Variants in ARIH1 observed in about 807,000 individuals in gnomAD.
The protein encoded by ARIH1 is E3 ubiquitin-protein ligase ARIH1.
Under a neutral mutation model 85.0 loss-of-function variants are expected in ARIH1, and 8 were observed. The ratio of observed to expected loss-of-function variants is 0.09; its 90% CI spans 0.06 to 0.17. ARIH1 has a LOEUF of 0.17. Among genes scored for constraint, ARIH1 ranks in the 10% least tolerant of loss-of-function variants. The pLI is 1.00. For missense variants in ARIH1, 311 were observed against 718.1 expected (o/e 0.43, Z 6.48); for synonymous variants, 238 against 253.6 (o/e 0.94, Z 0.59).
intron 2 of ARIH1, among the ~76,000 whole-genome samples, chr15:72,523,580 T>C (rs1052278904): frequency 2.0e-5 from 3 of 151,728 alleles, no homozygotes; most frequent in African/African-American, 4.8e-5. Context: ...ATGGTGGATA[T>C]GTATCATTAT....
chr15:72,486,502 G>T (rs1281579103), intron 1 of ARIH1, among the ~76,000 whole-genome samples: 1 of 152,096 alleles, frequency 6.6e-6, no homozygotes, highest in Non-Finnish European at 1.5e-5. Flanking sequence ...GTTCCCTGAG[G>T]ATGAAGGGGA....
intron 2 of ARIH1, among the ~76,000 whole-genome samples, chr15:72,543,764 T>C (rs1044597867): frequency 1.1e-4 from 16 of 152,272 alleles, no homozygotes; most frequent in African/African-American, 3.6e-4. Context: ...GTTACTGTAA[T>C]CTGGGCTTTA....
chr15:72,510,115 A>G (rs7177405), intron 1 of ARIH1, among the ~76,000 whole-genome samples: 2,811 of 152,234 alleles, frequency 0.018, 41 homozygotes, highest in Middle Eastern at 0.041. Context: ...CCACTGTGTC[A>G]TTTAAATAGA....
intron 1 of ARIH1, among the ~76,000 whole-genome samples, chr15:72,514,238 TA>T (rs1349789437): frequency 6.6e-6 from 1 of 152,112 alleles, no homozygotes; most frequent in Non-Finnish European, 1.5e-5. Flanking sequence ...TGATATCCTA[TA>T]GGGGCCTGAG....
chr15:72,528,961 G>A (rs1171658044), intron 2 of ARIH1, among the ~76,000 whole-genome samples: 1 of 152,196 alleles, frequency 6.6e-6, no homozygotes, highest in Non-Finnish European at 1.5e-5. Context: ...AGCACTTTGG[G>A]AGGCCAAGGT....
At chr15:72,509,300 T>C (rs1391753434) in intron 1 of ARIH1, among the ~76,000 whole-genome samples, 1 of 152,132 alleles carries the variant, frequency 6.6e-6, no homozygotes, top group Admixed American at 6.6e-5. Context: ...CACATTGTTC[T>C]TTTTAAAAGA....
intron 2 of ARIH1, among the ~76,000 whole-genome samples, chr15:72,524,970 C>T (rs1436018574): frequency 6.6e-5 from 10 of 152,280 alleles, no homozygotes; most frequent in South Asian, 2.1e-4. Context: ...CTGCAACCTC[C>T]GCCTCCCAGG....
intron 1 of ARIH1, among the ~76,000 whole-genome samples, chr15:72,485,571 CACT>C (rs2063834524): frequency 2.0e-5 from 3 of 151,810 alleles, no homozygotes. Flanking sequence ...TATTAGCTTT[CACT>C]CATTGTTCTT....
Position 72,593,377 on chromosome 15 carries a change from C to A in ARIH1, c.*10085C>A, listed in dbSNP as rs1305411539. On this transcript the variant is annotated 3_prime_UTR_variant, in exon 14 of 14. Coordinates refer to ENST00000379887, the MANE Select transcript of ARIH1 (RefSeq NM_005744.5). ...GATGAACAAATTTTTTTTATAAAAT[C>A]CACTTTATCAGTTTTTTATTTTATG... 1 of 152,046 alleles carries A rather than the reference C, an allele frequency of 6.6e-6. No homozygotes were observed. The highest frequency in any genetic ancestry group is 1.9e-4 in the East Asian group (1 of 5,188). The allele number at this position is 152,046 out of a possible 1,614,324, so 9.4% of individuals were successfully genotyped here. A position where few individuals can be genotyped will look rare whatever the true frequency, so the allele number is the denominator to read the frequency against.
chr15:72,529,221 A>G (rs1178959349), intron 2 of ARIH1, among the ~76,000 whole-genome samples: 2 of 152,008 alleles, frequency 1.3e-5, no homozygotes, highest in Non-Finnish European at 1.5e-5. Flanking sequence ...CAAATGTACT[A>G]TCTCATTATA....
At chr15:72,566,815 G>A (rs1036490029) in intron 8 of ARIH1, among the ~76,000 whole-genome samples, 3 of 152,020 alleles carry the variant, frequency 2.0e-5, no homozygotes, top group African/African-American at 7.3e-5. Context: ...CATGGCTAAG[G>A]CACCTCTTTG....
chr15:72,569,678 A>G (rs1055482704), intron 9 of ARIH1, among the ~76,000 whole-genome samples: 2 of 152,236 alleles, frequency 1.3e-5, no homozygotes, highest in African/African-American at 2.4e-5. Flanking sequence ...GAAGTACTCA[A>G]TTATTTCTAG....
chr15:72,548,246 GAACT>G lies in ARIH1; in HGVS notation c.588+3286_588+3289del, dbSNP rs72010523. 6.9e-3 allele frequency among the ~76,000 whole-genome samples: 1,044 copies of G among 152,256 alleles called. 9 individuals are homozygous for G. Among genetic ancestry groups the G allele is most frequent in the African/African-American group, 0.024 (992 of 41,544 alleles). ...CAGGCAGGACTTACCACAGAAATCTGAACTAACATCTGAAGGCATGGTAGTTAGG... is the reference window on the plus strand; with the variant it reads ...CAGGCAGGACTTACCACAGAAATCTGAACATCTGAAGGCATGGTAGTTAGG... On this transcript the variant is annotated intron_variant, in intron 3 of 13. Coordinates refer to ENST00000379887, the MANE Select transcript of ARIH1 (RefSeq NM_005744.5).
At chr15:72,497,341 C>T (rs1289194413) in intron 1 of ARIH1, among the ~76,000 whole-genome samples, 3 of 152,052 alleles carry the variant, frequency 2.0e-5, no homozygotes, top group African/African-American at 4.8e-5. Context: ...CCTGTTATTT[C>T]GCTGACATCA....
chr15:72,553,213 CATT>C (rs1409746751), intron 3 of ARIH1, among the ~76,000 whole-genome samples: 2 of 151,940 alleles, frequency 1.3e-5, no homozygotes, highest in East Asian at 3.8e-4. Flanking sequence ...ATAAGGTAAC[CATT>C]ATTTGAATCT....
intron 7 of ARIH1, chr15:72,566,329 G>A (rs1391013746): frequency 2.2e-6 from 1 of 456,202 alleles, no homozygotes. Flanking sequence ...ATCAAAGCGT[G>A]TCTTCATGCT....
chr15:72,554,104 AT>A lies in ARIH1; in HGVS notation c.589-1160del, dbSNP rs1329529853. 5.3e-5 allele frequency among the ~76,000 whole-genome samples: 8 copies of A among 151,928 alleles called. No homozygotes were observed. In the South Asian group the frequency reaches 1.5e-3, roughly 28 times the overall value. ...TTTATTTATGGAAATATGGAAAAATATTTTTTTCTTCAGTTGATGGACATCT... is the reference window on the plus strand; with the variant it reads ...TTTATTTATGGAAATATGGAAAAATATTTTTTCTTCAGTTGATGGACATCT... On this transcript the variant is annotated intron_variant, in intron 3 of 13. Coordinates refer to ENST00000379887, the MANE Select transcript of ARIH1 (RefSeq NM_005744.5).
chr15:72,540,030 C>T (rs532707006), intron 2 of ARIH1, among the ~76,000 whole-genome samples: 27 of 152,098 alleles, frequency 1.8e-4, no homozygotes, highest in African/African-American at 3.6e-4. Context: ...GAGGCTGAGG[C>T]GGGCAGATTA....
chr15:72,525,003 G>T (rs1271664977), intron 2 of ARIH1, among the ~76,000 whole-genome samples: 1 of 152,104 alleles, frequency 6.6e-6, no homozygotes, highest in African/African-American at 2.4e-5. Context: ...TCCCGCCTTA[G>T]CCTCTCCCAA....
Sources: gnomAD v4.1 joint callset for allele counts (sites outside exome capture counted in the v4.1 genomes callset) on GRCh38, gnomAD v4.1.1 for gene constraint, MANE v1.5 for transcripts, NCBI Gene and HGNC (gene_info 2026-07-23, HGNC 2026-07-21) for gene names.